The following CPNE5 variants were observed in gnomAD, a reference collection of about 807,000 sequenced individuals.
CPNE5 encodes the protein copine-5.
A neutral mutation model predicts 81.1 loss-of-function variants in CPNE5; 42 were observed. The observed-to-expected ratio is 0.52, with a 90% CI of 0.40 to 0.67. The LOEUF (loss-of-function observed/expected upper bound fraction) is 0.67, where lower values mean the gene tolerates loss of function less well. Ranked by LOEUF, CPNE5 falls within the 30% of genes least tolerant of loss-of-function variation. CPNE5 has a pLI of 0.00. For synonymous variants in CPNE5, 313 were observed against 321.5 expected, an observed-to-expected ratio of 0.97 and a Z score of 0.28; for missense variants, 612 against 815.5, an observed-to-expected ratio of 0.75 and a Z score of 3.04.
intron 14 of CPNE5, among the ~76,000 whole-genome samples, chr6:36,751,058 G>C (rs1764764045): frequency 6.6e-6 from 1 of 152,260 alleles, no homozygotes. Flanking sequence ...GCAGGTGAGG[G>C]AGGCCAGGGA....
rs933585390 is a variant in CPNE5 at position 36,741,627 on chromosome 6, G to A, written c.*641C>T. The A allele has an allele frequency of 2.0e-5, 3 of 152,242 alleles. No homozygotes were observed. The highest frequency in any genetic ancestry group is 7.2e-5 in the African/African-American group (3 of 41,432). The allele number at this position is 152,242 out of a possible 1,614,324, so 9.4% of individuals were successfully genotyped here. On this transcript the variant is annotated 3_prime_UTR_variant, in exon 21 of 21. Coordinates refer to ENST00000244751, the MANE Select transcript of CPNE5 (RefSeq NM_020939.2). ...GTGTCTAGAACTTGCATCGTACTGA[G>A]TTCGAGAGGCACCAGAAAGGGCTCT...
chr6:36,742,586 C>G, intron 20 of CPNE5, 100 bp from the exon 21 acceptor site: 3 of 886,766 alleles, frequency 3.4e-6, no homozygotes, highest in Non-Finnish European at 5.3e-6. Flanking sequence ...CTCCCAGCCT[C>G]TGCTCACTTG....
intron 1 of CPNE5, among the ~76,000 whole-genome samples, chr6:36,838,951 A>G (rs1337564095): frequency 6.6e-6 from 1 of 152,150 alleles, no homozygotes; most frequent in Non-Finnish European, 1.5e-5. Context: ...GATCAGAGAT[A>G]GCCTGAGCAG....
intron 12 of CPNE5, among the ~76,000 whole-genome samples, chr6:36,760,169 G>A (rs1262022868): frequency 6.6e-6 from 1 of 150,732 alleles, no homozygotes; most frequent in Non-Finnish European, 1.5e-5. Flanking sequence ...GCAGTAAGCC[G>A]AGATTGTGCC....
At chr6:36,806,298 TG>T (rs1247712410) in intron 3 of CPNE5, among the ~76,000 whole-genome samples, 1 of 152,076 alleles carries the variant, frequency 6.6e-6, no homozygotes, top group Non-Finnish European at 1.5e-5. Flanking sequence ...TGGCTTCCAG[TG>T]GGGTTTGGCC....
chr6:36,829,930 C>T (rs1243325087), intron 1 of CPNE5, among the ~76,000 whole-genome samples: 1 of 151,280 alleles, frequency 6.6e-6, no homozygotes, highest in Non-Finnish European at 1.5e-5. Context: ...AGCGTCACCC[C>T]ATTTCTGCAT....
At chr6:36,778,419 G>C (rs921300253) in intron 9 of CPNE5, among the ~76,000 whole-genome samples, 3 of 152,190 alleles carry the variant, frequency 2.0e-5, no homozygotes, top group Admixed American at 1.3e-4. Flanking sequence ...GGGCAGTAGC[G>C]GGGGGCCAGA....
chr6:36,809,651 T>C (rs1185253155), intron 3 of CPNE5, among the ~76,000 whole-genome samples: 1 of 151,700 alleles, frequency 6.6e-6, no homozygotes, highest in Non-Finnish European at 1.5e-5. Flanking sequence ...ACTTAGGACC[T>C]GATTTTAGAG....
chr6:36,797,811 G>GCTCCCAT (rs1476190227), intron 6 of CPNE5, among the ~76,000 whole-genome samples: 8 of 152,162 alleles, frequency 5.3e-5, no homozygotes, highest in African/African-American at 1.9e-4. Context: ...CCAGCTCCCA[G>GCTCCCAT]CTCTCCCTCT....
At chr6:36,807,149 C>A (rs1770668476) in intron 3 of CPNE5, among the ~76,000 whole-genome samples, 2 of 152,360 alleles carry the variant, frequency 1.3e-5, no homozygotes, top group South Asian at 4.1e-4. Context: ...CAGAGGGAAG[C>A]ACGTCTTCAA....
chr6:36,768,230 T>TTTC lies in CPNE5; in HGVS notation c.738-2855_738-2854insGAA, dbSNP rs1226795308. 4.1e-4 allele frequency among the ~76,000 whole-genome samples: 38 copies of TTTC among 93,678 alleles called. 6 individuals carry two copies. Among genetic ancestry groups the TTTC allele is most frequent in the Middle Eastern group, 9.7e-3 (2 of 206 alleles). The allele number at this position is 93,678 out of a possible 152,430, so 61.5% of individuals were successfully genotyped here. A position where few individuals can be genotyped will look rare whatever the true frequency, so the allele number is the denominator to read the frequency against. On this transcript the variant is annotated intron_variant, in intron 10 of 20. Coordinates refer to ENST00000244751, the MANE Select transcript of CPNE5 (RefSeq NM_020939.2). ...TGACTACTCTATTCACAGTTCTTTT[T>TTTC]TTTTTTTTTTTTTTTTTTTTTTGAG...
Position 36,768,225 on chromosome 6 carries a change from C to CTTTTTTTCTTT in CPNE5, c.738-2850_738-2849insAAAGAAAAAAA, listed in dbSNP as rs527797208. 7.1e-4 allele frequency among the ~76,000 whole-genome samples: 43 copies of CTTTTTTTCTTT among 60,512 alleles called. 5 individuals are homozygous for CTTTTTTTCTTT. Among genetic ancestry groups the CTTTTTTTCTTT allele is most frequent in the East Asian group, 3.5e-3 (6 of 1,720 alleles). The allele number at this position is 60,512 out of a possible 152,430, so 39.7% of individuals were successfully genotyped here. A position where few individuals can be genotyped will look rare whatever the true frequency, so the allele number is the denominator to read the frequency against. The stretch of plus-strand genomic sequence containing the variant: ...GGCTTTGACTACTCTATTCACAGTT[C>CTTTTTTTCTTT]TTTTTTTTTTTTTTTTTTTTTTTTT... On this transcript the variant is annotated intron_variant, in intron 10 of 20. Coordinates refer to ENST00000244751, the MANE Select transcript of CPNE5 (RefSeq NM_020939.2).
intron 8 of CPNE5, among the ~76,000 whole-genome samples, chr6:36,787,069 C>A (rs1296691566): frequency 6.6e-6 from 1 of 152,102 alleles, no homozygotes; most frequent in African/African-American, 2.4e-5. Context: ...ATGCTCATAT[C>A]GGTCTCAGCC....
At chr6:36,787,342 T>A (rs1768653109) in intron 8 of CPNE5, among the ~76,000 whole-genome samples, 1 of 151,960 alleles carries the variant, frequency 6.6e-6, no homozygotes, top group South Asian at 2.1e-4. Context: ...ACTCCCACCA[T>A]CACCACCCAC....
intron 12 of CPNE5, among the ~76,000 whole-genome samples, 172 bp downstream of exon 12, chr6:36,762,745 G>A (rs915594010): frequency 7.2e-5 from 11 of 152,170 alleles, no homozygotes; most frequent in Non-Finnish European, 1.6e-4. Flanking sequence ...GGAACTTTGG[G>A]CAAGTTCTCG....
chr6:36,822,291 G>A (rs1772123773), intron 2 of CPNE5, 131 bp from the exon 3 acceptor site: 2 of 609,592 alleles, frequency 3.3e-6, no homozygotes, highest in Non-Finnish European at 5.4e-6. Context: ...GATCTGGGTA[G>A]GGGTAGAGGG....
chr6:36,822,861 G>A (rs927418146), intron 2 of CPNE5, among the ~76,000 whole-genome samples, 197 bp downstream of exon 2: 1 of 152,062 alleles, frequency 6.6e-6, no homozygotes, highest in African/African-American at 2.4e-5. Flanking sequence ...GGCTTCACAA[G>A]CGTGCAGGCT....
intron 6 of CPNE5, among the ~76,000 whole-genome samples, 166 bp downstream of exon 6, chr6:36,797,999 G>A (rs1462501938): frequency 6.6e-6 from 1 of 152,098 alleles, no homozygotes; most frequent in Non-Finnish European, 1.5e-5. Context: ...GAAATACCTG[G>A]ATTAGAAGCC....
At chr6:36,748,509 T>C (rs950314778) in intron 14 of CPNE5, among the ~76,000 whole-genome samples, 1 of 152,194 alleles carries the variant, frequency 6.6e-6, no homozygotes, top group African/African-American at 2.4e-5. Flanking sequence ...AAGATGATTG[T>C]GTTCTGTGTG....
Sources: gnomAD v4.1 joint callset for allele counts (sites outside exome capture counted in the v4.1 genomes callset) on GRCh38, gnomAD v4.1.1 for gene constraint, MANE v1.5 for transcripts, NCBI Gene and HGNC (gene_info 2026-07-23, HGNC 2026-07-21) for gene names.